UNC13C: variants seen among roughly 807,000 people sequenced by gnomAD.
UNC13C encodes the protein protein unc-13 homolog C.
In UNC13C, 174 loss-of-function variants were observed where a neutral mutation model predicts 245.4. The ratio of observed to expected loss-of-function variants is 0.71; its 90% CI spans 0.63 to 0.80. The LOEUF (loss-of-function observed/expected upper bound fraction) is 0.80, where lower values mean the gene tolerates loss of function less well. Ranked by LOEUF, UNC13C falls within the 30% of genes least tolerant of loss-of-function variation. The pLI, the probability that UNC13C is intolerant of heterozygous loss-of-function variation, is 0.00. For synonymous variants in UNC13C, 992 were observed against 895.1 expected (o/e 1.11, Z -1.93); for missense variants, 2,829 against 2,602.9 (o/e 1.09, Z -1.89).
intron 17 of UNC13C, among the ~76,000 whole-genome samples, chr15:54,341,277 C>T (rs2038722157): frequency 3.9e-5 from 6 of 152,126 alleles, no homozygotes; most frequent in Admixed American, 3.9e-4. Context: ...ATGTAGCCAT[C>T]AAAAAGAATG....
intron 10 of UNC13C, among the ~76,000 whole-genome samples, chr15:54,267,067 G>C (rs969485619): frequency 6.6e-6 from 1 of 151,818 alleles, no homozygotes; most frequent in African/African-American, 2.4e-5. Flanking sequence ...GGATATTTTG[G>C]TTTGTTTCCA....
At position 54,555,476 on chromosome 15, in the gene UNC13C, A is replaced by C. The variant is rs772428204; in HGVS notation, c.5922A>C (p.Gln1974His). 6.2e-7 allele frequency: 1 copy of C among 1,612,390 alleles called. No individual in the cohort carries two copies. The highest frequency in any genetic ancestry group is 1.1e-5 in the South Asian group (1 of 90,946). Reference protein sequence around the residue: ...REDARGLTPRQCAIMEVVLAT... With the variant: ...REDARGLTPRHCAIMEVVLAT... Reference sequence around the variant, plus strand: ...ATGCCAGGGGTCTGACGCCAAGACAATGCGCTATAATGGAGGTAGTCCTGG... The same window carrying C: ...ATGCCAGGGGTCTGACGCCAAGACACTGCGCTATAATGGAGGTAGTCCTGG... Residue 1974 changes from glutamine to histidine, a missense_variant, in exon 29 of 33, where the codon CAA becomes CAC. Physicochemically the swap from Gln to His is conservative, Grantham distance 24. Transcript: ENST00000260323.
chr15:54,363,389 G>T (rs568884632), intron 17 of UNC13C, among the ~76,000 whole-genome samples: 1 of 152,324 alleles, frequency 6.6e-6, no homozygotes, highest in Non-Finnish European at 1.5e-5. Flanking sequence ...GACTACAGGT[G>T]TGAGCCACCT....
chr15:54,146,313 A>G (rs1160358946), intron 4 of UNC13C, among the ~76,000 whole-genome samples: 2 of 152,198 alleles, frequency 1.3e-5, no homozygotes, highest in Non-Finnish European at 2.9e-5. Context: ...TACCTTCGCC[A>G]TCCCCAATCA....
the UNC13C span, among the ~76,000 whole-genome samples, chr15:53,872,605 T>A: frequency 6.6e-6 from 1 of 152,168 alleles, no homozygotes; most frequent in Admixed American, 6.6e-5. Flanking sequence ...TTATGACAAC[T>A]TCCTCTCCAG....
chr15:54,508,329 A>G (rs978054458), intron 23 of UNC13C, among the ~76,000 whole-genome samples: 5 of 152,078 alleles, frequency 3.3e-5, no homozygotes, highest in African/African-American at 1.2e-4. Flanking sequence ...ATGAGCTCCT[A>G]AGGCTAATTC....
rs116893932 is a variant in UNC13C at position 54,390,038 on chromosome 15, A to C, written c.4714-3010A>C. On this transcript the variant is annotated intron_variant, in intron 17 of 32. Transcript: ENST00000260323. The stretch of plus-strand genomic sequence containing the variant: ...GCCACTGCGCCCGGCCCGTCTTTGC[A>C]TTTTTCTACCAGAGGTCTCCTCCCA... 9.2e-5 allele frequency among the ~76,000 whole-genome samples: 14 copies of C among 152,072 alleles called. No individual in the cohort carries two copies. In the East Asian group the frequency reaches 2.7e-3, roughly 29 times the overall value.
chr15:54,595,416 A>C (rs941483671), intron 30 of UNC13C, among the ~76,000 whole-genome samples: 1 of 151,966 alleles, frequency 6.6e-6, no homozygotes, highest in Non-Finnish European at 1.5e-5. Flanking sequence ...GCAGCACTCA[A>C]AGTATTTGGG....
intron 11 of UNC13C, among the ~76,000 whole-genome samples, chr15:54,294,275 T>C (rs11630766): frequency 1.3e-5 from 2 of 151,804 alleles, no homozygotes; most frequent in Non-Finnish European, 2.9e-5. Flanking sequence ...AAAGGAGAAA[T>C]CCCTTTCCAA....
the UNC13C span, among the ~76,000 whole-genome samples, chr15:53,856,358 C>T: frequency 1.4e-5 from 2 of 140,470 alleles, no homozygotes; most frequent in Admixed American, 7.3e-5. Context: ...GGTTTGTGTG[C>T]TCTTGGTTCT....
At chr15:54,056,484 T>C (rs1404612053) in intron 2 of UNC13C, among the ~76,000 whole-genome samples, 4 of 152,160 alleles carry the variant, frequency 2.6e-5, no homozygotes, top group East Asian at 1.9e-4. Flanking sequence ...CTACATCTAA[T>C]TGGTGTACCT....
At chr15:54,174,071 A>T (rs1037903727) in intron 4 of UNC13C, among the ~76,000 whole-genome samples, 4 of 152,006 alleles carry the variant, frequency 2.6e-5, no homozygotes, top group African/African-American at 9.7e-5. Context: ...TTCCCTTTTT[A>T]TCTGTTTGAA....
chr15:54,577,732 G>A (rs1566919873), intron 30 of UNC13C, among the ~76,000 whole-genome samples: 1 of 151,962 alleles, frequency 6.6e-6, no homozygotes, highest in Non-Finnish European at 1.5e-5. Context: ...ACTTTCCCTT[G>A]TCATTTCCCT....
At chr15:54,306,121 A>G (rs376780353) in intron 13 of UNC13C, among the ~76,000 whole-genome samples, 2 of 152,060 alleles carry the variant, frequency 1.3e-5, no homozygotes, top group East Asian at 3.9e-4. Flanking sequence ...AAACCTGAGC[A>G]TTAGGACTGA....
chr15:54,123,597 G>A (rs2030828884), intron 2 of UNC13C, among the ~76,000 whole-genome samples: 1 of 151,842 alleles, frequency 6.6e-6, no homozygotes, highest in African/African-American at 2.4e-5. Flanking sequence ...AAAAATTATG[G>A]ATTCATAGGA....
At chr15:54,456,405 A>G (rs925680249) in intron 19 of UNC13C, among the ~76,000 whole-genome samples, 24 of 151,898 alleles carry the variant, frequency 1.6e-4, no homozygotes, top group Non-Finnish European at 2.5e-4. Context: ...TGATGGTATT[A>G]TGGGAATTGC....
At chr15:54,582,289 C>T (rs563310574) in intron 30 of UNC13C, among the ~76,000 whole-genome samples, 1 of 152,256 alleles carries the variant, frequency 6.6e-6, no homozygotes, top group African/African-American at 2.4e-5. Flanking sequence ...TCTGTGCAAC[C>T]TACCACTGAC....
chr15:53,875,313 G>A, the UNC13C span, among the ~76,000 whole-genome samples: 2 of 152,152 alleles, frequency 1.3e-5, no homozygotes, highest in Non-Finnish European at 2.9e-5. Context: ...TAGCATCTCA[G>A]CAGGTTGATG....
intron 26 of UNC13C, among the ~76,000 whole-genome samples, chr15:54,544,107 C>T (rs939512503): frequency 2.0e-5 from 3 of 152,056 alleles, no homozygotes; most frequent in Admixed American, 1.3e-4. Flanking sequence ...ATGATCAAAT[C>T]GGATTCACCC....
Sources: gnomAD v4.1 joint callset for allele counts (sites outside exome capture counted in the v4.1 genomes callset) on GRCh38, gnomAD v4.1.1 for gene constraint, MANE v1.5 for transcripts, NCBI Gene and HGNC (gene_info 2026-07-23, HGNC 2026-07-21) for gene names.